The following BNC2 variants were observed in gnomAD, a reference collection of about 807,000 sequenced individuals.
The protein encoded by BNC2 is basonuclin zinc finger protein 2, also known as zinc finger protein basonuclin-2.
BNC2 carries 20 observed loss-of-function variants against 76.3 expected under a neutral mutation model. That is an observed-to-expected ratio of 0.26 (90% confidence interval 0.18 to 0.38). BNC2 has a LOEUF of 0.38. BNC2 is among the 10% of genes least tolerant of loss of function. The probability of loss-of-function intolerance (pLI) is 1.00; values close to 1 mark genes in which losing one functional copy is unlikely to be tolerated. For synonymous variants in BNC2, 582 were observed against 514.8 expected, an observed-to-expected ratio of 1.13 and a Z score of -1.77; for missense variants, 1,382 against 1,399.8, an observed-to-expected ratio of 0.99 and a Z score of 0.20.
intron 3 of BNC2, among the ~76,000 whole-genome samples, chr9:16,616,559 C>T (rs1362115443): frequency 6.6e-6 from 1 of 150,478 alleles, no homozygotes; most frequent in Non-Finnish European, 1.5e-5. Flanking sequence ...AATTAGCCAG[C>T]CCCATGGTCT....
intron 5 of BNC2, among the ~76,000 whole-genome samples, chr9:16,544,034 C>T (rs1252063736): frequency 6.6e-6 from 1 of 152,166 alleles, no homozygotes; most frequent in African/African-American, 2.4e-5. Context: ...TGACATAATG[C>T]AGCGACACCT....
chr9:16,751,744 T>C (rs1825218347), intron 1 of BNC2, among the ~76,000 whole-genome samples: 1 of 151,538 alleles, frequency 6.6e-6, no homozygotes, highest in African/African-American at 2.4e-5. Context: ...TTAACAATTA[T>C]TTTCAGCCAG....
chr9:16,571,301 T>G (rs754890605), intron 4 of BNC2, among the ~76,000 whole-genome samples: 8 of 152,192 alleles, frequency 5.3e-5, no homozygotes, highest in Admixed American at 1.3e-4. Context: ...CCTGTCTTCA[T>G]GCCTCACCAT....
chr9:16,505,759 T>G (rs1195830945), intron 5 of BNC2, among the ~76,000 whole-genome samples: 1 of 152,150 alleles, frequency 6.6e-6, no homozygotes, highest in Non-Finnish European at 1.5e-5. Context: ...ATCACAGTGC[T>G]AAGAACTTCA....
chr9:16,532,517 G>A (rs946660230), intron 5 of BNC2, among the ~76,000 whole-genome samples: 1 of 152,188 alleles, frequency 6.6e-6, no homozygotes, highest in Non-Finnish European at 1.5e-5. Flanking sequence ...GTTTTGTGCA[G>A]TAGTGTGCTA....
At chr9:16,714,480 A>C (rs1200939510) in intron 3 of BNC2, among the ~76,000 whole-genome samples, 2 of 152,232 alleles carry the variant, frequency 1.3e-5, no homozygotes, top group African/African-American at 4.8e-5. Context: ...ATTCTGACAC[A>C]TTTATAGATG....
chr9:16,503,357 G>A (rs1822560781), intron 5 of BNC2, among the ~76,000 whole-genome samples: 1 of 152,156 alleles, frequency 6.6e-6, no homozygotes, highest in Non-Finnish European at 1.5e-5. Flanking sequence ...TGCAGAAGGA[G>A]ACAAATTAAC....
chr9:16,440,500 T>A (rs1388512476), intron 5 of BNC2, among the ~76,000 whole-genome samples: 1 of 152,182 alleles, frequency 6.6e-6, no homozygotes, highest in African/African-American at 2.4e-5. Context: ...TGTACAGTCA[T>A]ATCTTCCCCA....
intron 1 of BNC2, among the ~76,000 whole-genome samples, chr9:16,823,527 T>C (rs1237398129): frequency 2.0e-5 from 3 of 151,130 alleles, no homozygotes; most frequent in African/African-American, 7.3e-5. Flanking sequence ...CGCTTGAGCC[T>C]GGGAGGCAGA....
chr9:16,755,615 G>T (rs967213379), intron 1 of BNC2, among the ~76,000 whole-genome samples: 1 of 151,940 alleles, frequency 6.6e-6, no homozygotes, highest in Non-Finnish European at 1.5e-5. Context: ...ACTACCTGTT[G>T]ACGGCTAGTA....
intron 1 of BNC2, among the ~76,000 whole-genome samples, chr9:16,837,705 G>T (rs1818739653): frequency 6.6e-6 from 1 of 152,134 alleles, no homozygotes; most frequent in African/African-American, 2.4e-5. Context: ...TCCTCTGAAG[G>T]TATATAAGAC....
chr9:16,514,165 G>C lies in BNC2; in HGVS notation c.669+38365C>G, dbSNP rs563987328. Reference sequence around the variant, plus strand: ...CAGTGAAGCACCACCAGCCAGCAAGGCAGGTTCACCTGATTACTCAAGATT... The same window carrying C: ...CAGTGAAGCACCACCAGCCAGCAAGCCAGGTTCACCTGATTACTCAAGATT... On this transcript the variant is annotated intron_variant, in intron 5 of 6. Coordinates refer to ENST00000380672, the MANE Select transcript of BNC2 (RefSeq NM_017637.6). Among the ~76,000 whole-genome samples, 3 of 152,242 alleles carry C rather than the reference G, an allele frequency of 2.0e-5. No individual in the cohort carries two copies. In the East Asian group the frequency reaches 5.8e-4, roughly 29 times the overall value.
At chr9:16,449,297 C>G (rs979654684) in intron 5 of BNC2, among the ~76,000 whole-genome samples, 1 of 152,170 alleles carries the variant, frequency 6.6e-6, no homozygotes, top group African/African-American at 2.4e-5. Context: ...AGTGTATATT[C>G]ATCCACCAAT....
chr9:16,715,563 A>C (rs1161711469), intron 3 of BNC2, among the ~76,000 whole-genome samples: 8 of 152,368 alleles, frequency 5.3e-5, no homozygotes. Context: ...ATATTTGAAT[A>C]GGTTGCCAAG....
chr9:16,636,423 C>T (rs1168620055), intron 3 of BNC2, among the ~76,000 whole-genome samples: 2 of 152,066 alleles, frequency 1.3e-5, no homozygotes, highest in Non-Finnish European at 2.9e-5. Flanking sequence ...TCACCTCAGC[C>T]TCCCAAGTAG....
At chr9:16,766,100 A>C (rs1444560419) in intron 1 of BNC2, among the ~76,000 whole-genome samples, 1 of 152,138 alleles carries the variant, frequency 6.6e-6, no homozygotes, top group East Asian at 1.9e-4. Flanking sequence ...ATAATTTCTT[A>C]AGTGTACCCT....
At chr9:16,807,542 G>A (rs1336078373) in intron 1 of BNC2, among the ~76,000 whole-genome samples, 1 of 152,142 alleles carries the variant, frequency 6.6e-6, no homozygotes, top group Non-Finnish European at 1.5e-5. Context: ...GAAAGAAAAT[G>A]AGAAGGAGGT....
At chr9:16,815,677 T>C (rs945704060) in intron 1 of BNC2, among the ~76,000 whole-genome samples, 1 of 152,214 alleles carries the variant, frequency 6.6e-6, no homozygotes, top group Non-Finnish European at 1.5e-5. Context: ...CCTTTCTTTT[T>C]AGCCTAAACT....
At chr9:16,634,639 C>T (rs1028938897) in intron 3 of BNC2, among the ~76,000 whole-genome samples, 5 of 151,714 alleles carry the variant, frequency 3.3e-5, no homozygotes, top group African/African-American at 1.2e-4. Flanking sequence ...GTAGCTGGGG[C>T]TACAGGCACC....
Sources: gnomAD v4.1 joint callset for allele counts (sites outside exome capture counted in the v4.1 genomes callset) on GRCh38, gnomAD v4.1.1 for gene constraint, MANE v1.5 for transcripts, NCBI Gene and HGNC (gene_info 2026-07-23, HGNC 2026-07-21) for gene names.